The following SPATA21 variants were observed in gnomAD, a reference collection of about 807,000 sequenced individuals.
The protein encoded by SPATA21 is spermatogenesis-associated protein 21.
A neutral mutation model predicts 54.8 loss-of-function variants in SPATA21; 47 were observed. The observed-to-expected ratio is 0.86, with a 90% confidence interval of 0.68 to 1.09. The LOEUF (loss-of-function observed/expected upper bound fraction) is 1.09. SPATA21 is among the 50% of genes least tolerant of loss of function. The pLI is 0.00. For missense variants in SPATA21, 599 were observed against 596.4 expected, an observed-to-expected ratio of 1.00 and a Z score of -0.05; for synonymous variants, 245 against 235.3, an observed-to-expected ratio of 1.04 and a Z score of -0.38.
intron 10 of SPATA21, 28 bp from the exon 11 acceptor site, chr1:16,400,920 G>C: frequency 6.2e-7 from 1 of 1,601,956 alleles, no homozygotes; most frequent in Non-Finnish European, 8.5e-7. Context: ...ACCCATCTCA[G>C]CCTGGCTGTG....
Position 16,403,839 on chromosome 1 carries a change from T to C in SPATA21, c.889A>G (p.Asn297Asp). 1 of 1,610,298 alleles carries C rather than the reference T, an allele frequency of 6.2e-7. No individual in the cohort carries two copies. The highest frequency in any genetic ancestry group is 8.5e-7 in the Non-Finnish European group (1 of 1,177,990). Residue 297 changes from asparagine to aspartate, a missense_variant, in exon 10 of 13, where the codon AAC becomes GAC. Coordinates refer to ENST00000335496, the MANE Select transcript of SPATA21 (RefSeq NM_198546.1). ...TRRFFCSVEQ[N>D]ALSDMAPHNP... ...TGGGGAGCCATGTCCGACAGGGCGT[T>C]CTGTTCTGGAGACATGGGATAGTGG...
At chr1:16,432,122 T>C (rs1208521145) in intron 2 of SPATA21, among the ~76,000 whole-genome samples, 7 of 150,014 alleles carry the variant, frequency 4.7e-5, no homozygotes, top group Admixed American at 2.0e-4. Flanking sequence ...TTCTTTTTTT[T>C]TTTTTTTTGT....
At chr1:16,416,285 C>G (rs1288213215) in intron 5 of SPATA21, among the ~76,000 whole-genome samples, 2 of 152,202 alleles carry the variant, frequency 1.3e-5, no homozygotes, top group Non-Finnish European at 2.9e-5. Flanking sequence ...ATGCTTCACT[C>G]CACGACTGTG....
rs200327776 is a variant in SPATA21 at position 16,409,243 on chromosome 1, C to T, written c.588-40G>A. 92 of 1,610,492 alleles carry T rather than the reference C, an allele frequency of 5.7e-5. 1 individual carries two copies. The East Asian group carries it at 1.6e-3, about 29-fold the overall frequency. On this transcript the variant is annotated intron_variant, in intron 6 of 12. Coordinates refer to ENST00000335496, the MANE Select transcript of SPATA21 (RefSeq NM_198546.1). This position sits in a 1 kb window ranked among gnomAD's most constrained non-coding sequence, Gnocchi z 4.1. ...ACCCCGACCCAGGGCAACATCCGGCCGCCCACCCTGCTGATAGCTAGGGGA... is the reference window on the plus strand; with the variant it reads ...ACCCCGACCCAGGGCAACATCCGGCTGCCCACCCTGCTGATAGCTAGGGGA...
chr1:16,409,052 C>T lies in SPATA21; in HGVS notation c.673+66G>A. 1 of 1,560,796 alleles carries T rather than the reference C, an allele frequency of 6.4e-7. No homozygotes were observed. Among genetic ancestry groups the T allele is most frequent in the Non-Finnish European group, 8.8e-7 (1 of 1,132,966 alleles). ...GGAAAGCACCCCAGTCCGCCCTGCG[C>T]CTATAAACCCCCAAGGACCAAGGGT... On this transcript the variant is annotated intron_variant, in intron 7 of 12. Coordinates refer to ENST00000335496, the MANE Select transcript of SPATA21 (RefSeq NM_198546.1). This position sits in a 1 kb window ranked among gnomAD's most constrained non-coding sequence, Gnocchi z 4.1.
chr1:16,403,688 G>A (rs763182915), intron 10 of SPATA21, 39 bp downstream of exon 10: 1 of 1,564,606 alleles, frequency 6.4e-7, no homozygotes, highest in Non-Finnish European at 8.8e-7. Flanking sequence ...CCACCTCTGT[G>A]TCCACAACCC....
In SPATA21 at chr1:16,431,388, C is replaced by A. The variant is rs751532630; in HGVS notation, c.-17G>T. Reference sequence around the variant, plus strand: ...ATTGTCCATGATGCCAGCGCCAACACGGGTGCCAAGTGAGGGGCATCACCT... The same window carrying A: ...ATTGTCCATGATGCCAGCGCCAACAAGGGTGCCAAGTGAGGGGCATCACCT... On this transcript the variant is annotated 5_prime_UTR_variant, in exon 3 of 13. Coordinates refer to ENST00000335496, the MANE Select transcript of SPATA21 (RefSeq NM_198546.1). 2 of 1,613,834 alleles carry A rather than the reference C, an allele frequency of 1.2e-6. No individual in the cohort carries two copies. Among genetic ancestry groups the A allele is most frequent in the Admixed American group, 1.7e-5 (1 of 59,966 alleles).
intron 3 of SPATA21, chr1:16,425,673 C>T: frequency 1.3e-6 from 2 of 1,550,356 alleles, no homozygotes; most frequent in South Asian, 1.2e-5. Flanking sequence ...TCACTCTGAT[C>T]CTGGCCTGCT....
At chr1:16,404,935 T>A in intron 8 of SPATA21, 32 bp downstream of exon 8, 1 of 1,529,816 alleles carries the variant, frequency 6.5e-7, no homozygotes, top group Non-Finnish European at 8.7e-7. Context: ...AGGCCCTGCC[T>A]GGGATGCAGA....
At chr1:16,396,406 C>G (rs1289976701), downstream of SPATA21, 2 of 152,186 alleles carry the variant, frequency 1.3e-5, no homozygotes, top group Non-Finnish European at 2.9e-5. Flanking sequence ...AGACTGGTTC[C>G]TCAGAGGCCT....
At position 16,409,499 on chromosome 1, in the gene SPATA21, A is replaced by C. The variant is rs2085759373; in HGVS notation, c.587+102T>G. 8.1e-7 allele frequency: 1 copy of C among 1,239,110 alleles called. No homozygotes were observed. The highest frequency in any genetic ancestry group is 1.1e-6 in the Non-Finnish European group (1 of 894,910). 76.8% of individuals were successfully genotyped at this position (1,239,110 alleles called of 1,614,324 possible). A position where few individuals can be genotyped will look rare whatever the true frequency, so the allele number is the denominator to read the frequency against. On this transcript the variant is annotated intron_variant, in intron 6 of 12. Coordinates refer to ENST00000335496, the MANE Select transcript of SPATA21 (RefSeq NM_198546.1). The surrounding 1 kb of genome is among the most constrained non-coding windows in gnomAD (Gnocchi z 4.1). ...AGGAGAAATGGAGAGAGGGGGACAC[A>C]CGAGGGAACAGGCAGGTGCAGGGAC...
In SPATA21 at chr1:16,431,920, A is replaced by G. The variant is rs149433457; in HGVS notation, c.-51-498T>C. ...TGTGCCTTTTAAAGAGAGTCCAAGA[A>G]TGTCACAGCTGCTCCTGCTATAGAT... On this transcript the variant is annotated intron_variant, in intron 2 of 12. Coordinates refer to ENST00000335496, the MANE Select transcript of SPATA21 (RefSeq NM_198546.1). Among the ~76,000 whole-genome samples the G allele has an allele frequency of 6.4e-3, 980 of 152,138 alleles. 14 individuals carry two copies. The highest frequency in any genetic ancestry group is 0.022 in the African/African-American group (928 of 41,490).
chr1:16,430,373 C>T (rs975120648), intron 3 of SPATA21, among the ~76,000 whole-genome samples: 8 of 152,186 alleles, frequency 5.3e-5, no homozygotes, highest in Non-Finnish European at 1.2e-4. Flanking sequence ...TTCGAGGCTG[C>T]AGTGAGTCGT....
chr1:16,426,254 CTTATTTAT>C (rs750947536), intron 3 of SPATA21, among the ~76,000 whole-genome samples: 2 of 151,504 alleles, frequency 1.3e-5, no homozygotes, highest in Non-Finnish European at 2.9e-5. Context: ...CGTATGCATA[CTTATTTAT>C]TTATTTATTT....
chr1:16,400,617 G>T, intron 11 of SPATA21, 103 bp downstream of exon 11: 1 of 1,501,668 alleles, frequency 6.7e-7, no homozygotes, highest in South Asian at 1.4e-5. Context: ...TGGCCTCTCA[G>T]CTCCCTTGGC....
chr1:16,421,978 C>T lies in SPATA21; in HGVS notation c.35-7G>A. On this transcript the variant is annotated splice_region_variant and splice_polypyrimidine_tract_variant and intron_variant, in intron 3 of 12. Coordinates refer to ENST00000335496, the MANE Select transcript of SPATA21 (RefSeq NM_198546.1). The surrounding 1 kb of genome is among the most constrained non-coding windows in gnomAD (Gnocchi z 5.2). The stretch of plus-strand genomic sequence containing the variant: ...GGGTTGACTGTCTTTTCCTCTGGAG[C>T]CACGACGGACATTGGGGGCATTGCT... The T allele has an allele frequency of 6.2e-7, 1 of 1,614,184 alleles. No homozygotes were observed. Among genetic ancestry groups the T allele is most frequent in the Non-Finnish European group, 8.5e-7 (1 of 1,180,028 alleles).
At chr1:16,398,044 G>A (rs1431269254), downstream of SPATA21, 6 of 892,364 alleles carry the variant, frequency 6.7e-6, no homozygotes, top group African/African-American at 5.4e-5. Context: ...CTGGTGTAGC[G>A]GGCAGCTGCC....
intron 10 of SPATA21, among the ~76,000 whole-genome samples, chr1:16,402,507 C>A (rs916247353): frequency 2.6e-5 from 4 of 151,484 alleles, no homozygotes; most frequent in African/African-American, 9.7e-5. Context: ...GTGATCCGCC[C>A]ACCGCGGCCT....
Position 16,409,798 on chromosome 1 carries a change from G to A in SPATA21, c.390C>T (p.Thr130=). The change falls in exon 6 of 13, where the codon ACC becomes ACT. Residue 130 remains threonine, a synonymous_variant. Coordinates refer to ENST00000335496, the MANE Select transcript of SPATA21 (RefSeq NM_198546.1). This position sits in a 1 kb window ranked among gnomAD's most constrained non-coding sequence, Gnocchi z 4.1. ...VPTSAPSLPQ[T]PASVPASGPS... is the part of the protein sequence containing the mutation. Reference sequence around the variant, plus strand: ...GGCCGCTGGCAGGGACCGAGGCAGGGGTCTGAGGCAGGCTTGGAGCTGAGG... The same window carrying A: ...GGCCGCTGGCAGGGACCGAGGCAGGAGTCTGAGGCAGGCTTGGAGCTGAGG... 6.2e-7 allele frequency: 1 copy of A among 1,600,612 alleles called. No homozygotes were observed. The highest frequency in any genetic ancestry group is 8.5e-7 in the Non-Finnish European group (1 of 1,173,740).
Sources: gnomAD v4.1 joint callset for allele counts (sites outside exome capture counted in the v4.1 genomes callset) on GRCh38, gnomAD v4.1.1 for gene constraint, Gnocchi (gnomAD v3.1) non-coding constraint, MANE v1.5 for transcripts, NCBI Gene and HGNC (gene_info 2026-07-23, HGNC 2026-07-21) for gene names.